The following BICD1 variants were observed in gnomAD, a reference collection of about 807,000 sequenced individuals.
BICD1 encodes the protein BICD cargo adaptor 1.
BICD1 carries 35 observed loss-of-function variants against 92.5 expected under a neutral mutation model. That is an observed-to-expected ratio of 0.38 (90% CI 0.29 to 0.50). BICD1 has a LOEUF of 0.50. BICD1 is among the 20% of genes least tolerant of loss of function. BICD1 has a pLI of 0.93. For synonymous variants in BICD1, 429 were observed against 465.1 expected (o/e 0.92, Z 1.00); for missense variants, 950 against 1,189.8 (o/e 0.80, Z 2.97).
chr12:32,296,574 T>G (rs1334037976), intron 3 of BICD1, among the ~76,000 whole-genome samples: 1 of 152,104 alleles, frequency 6.6e-6, no homozygotes, highest in African/African-American at 2.4e-5. Flanking sequence ...GGTATTTTCT[T>G]GTGGTCCTTT....
chr12:32,125,876 TAA>T (rs11320031), intron 1 of BICD1, among the ~76,000 whole-genome samples: 95 of 140,494 alleles, frequency 6.8e-4, no homozygotes, highest in Middle Eastern at 3.5e-3. Flanking sequence ...ACCCCGTCTC[TAA>T]AAAAAAAAAA....
intron 2 of BICD1, among the ~76,000 whole-genome samples, chr12:32,255,425 C>T (rs577631927): frequency 1.3e-5 from 2 of 152,302 alleles, no homozygotes; most frequent in East Asian, 3.9e-4. Context: ...AAGCCCTATC[C>T]ATGCCAAAAT....
At chr12:32,246,028 T>TAAA (rs1946373522) in intron 2 of BICD1, among the ~76,000 whole-genome samples, 1 of 6,436 alleles carries the variant, frequency 1.6e-4, no homozygotes, top group East Asian at 2.5e-3. Flanking sequence ...ATACTCTGTC[T>TAAA]CAAAAAAAAA....
intron 1 of BICD1, among the ~76,000 whole-genome samples, chr12:32,120,884 AGAGAGAGAG>A (rs1942117530): frequency 3.7e-5 from 5 of 133,852 alleles, no homozygotes; most frequent in African/African-American, 9.7e-5. Context: ...AGAGAGAGAG[AGAGAGAGAG>A]AGAAAAAAAA....
At chr12:32,353,257 A>G (rs1365863399) in intron 8 of BICD1, 1 of 152,186 alleles carries the variant, frequency 6.6e-6, no homozygotes, top group Non-Finnish European at 1.5e-5. Flanking sequence ...ATGAATAAGC[A>G]TCTTCTGTAA....
At chr12:32,223,918 T>G (rs148798031) in intron 2 of BICD1, among the ~76,000 whole-genome samples, 1 of 152,252 alleles carries the variant, frequency 6.6e-6, no homozygotes, top group African/African-American at 2.4e-5. Flanking sequence ...AACACACATG[T>G]TTATGGGTTA....
At chr12:32,235,984 C>T (rs1056752792) in intron 2 of BICD1, among the ~76,000 whole-genome samples, 2 of 151,690 alleles carry the variant, frequency 1.3e-5, no homozygotes, top group African/African-American at 4.8e-5. Flanking sequence ...AGGCGTGAGC[C>T]ACTGCGCCTG....
intron 2 of BICD1, among the ~76,000 whole-genome samples, chr12:32,281,063 C>CT (rs1311661329): frequency 8.2e-6 from 1 of 122,150 alleles, no homozygotes; most frequent in East Asian, 3.1e-4. Context: ...ATTTCCCAAA[C>CT]TTTTTTTTAG....
intron 8 of BICD1, chr12:32,339,933 C>A (rs1938298036): frequency 2.4e-6 from 2 of 829,350 alleles, no homozygotes; most frequent in Admixed American, 6.2e-5. Context: ...CATGTCAACA[C>A]CTGTTGGAGC....
chr12:32,134,571 CATG>C (rs1565538498), intron 1 of BICD1, among the ~76,000 whole-genome samples: 1 of 152,134 alleles, frequency 6.6e-6, no homozygotes, highest in East Asian at 1.9e-4. Context: ...GTTGGCTCAT[CATG>C]ATGCTTAAGC....
chr12:32,232,613 T>C (rs2121584330), intron 2 of BICD1, among the ~76,000 whole-genome samples: 1 of 152,030 alleles, frequency 6.6e-6, no homozygotes, highest in Middle Eastern at 3.4e-3. Context: ...TTTGTCAATT[T>C]TGTCTTTTGT....
At chr12:32,211,852 G>T (rs1276483815) in intron 1 of BICD1, among the ~76,000 whole-genome samples, 1 of 152,224 alleles carries the variant, frequency 6.6e-6, no homozygotes, top group African/African-American at 2.4e-5. Flanking sequence ...GAGGGAGAGA[G>T]GCTGTCAGAA....
chr12:32,346,560 A>ATATATATATACGTGTG lies in BICD1; in HGVS notation c.2764+7591_2764+7592insCGTGTGTATATATATA, dbSNP rs1565687086. 6.1e-4 allele frequency among the ~76,000 whole-genome samples: 13 copies of ATATATATATACGTGTG among 21,156 alleles called. 1 individual carries two copies. Among genetic ancestry groups the ATATATATATACGTGTG allele is most frequent in the African/African-American group, 1.6e-3 (6 of 3,832 alleles). 13.9% of individuals were successfully genotyped at this position (21,156 alleles called of 152,430 possible). A position where few individuals can be genotyped will look rare whatever the true frequency, so the allele number is the denominator to read the frequency against. On this transcript the variant is annotated intron_variant, in intron 8 of 9. Transcript: ENST00000652176. ...TGTATATATATATATATATATATAT[A>ATATATATATACGTGTG]TATATATATATATATATATATACGT...
intron 8 of BICD1, among the ~76,000 whole-genome samples, chr12:32,351,595 G>A (rs903399570): frequency 6.6e-6 from 1 of 150,954 alleles, no homozygotes; most frequent in African/African-American, 2.4e-5. Flanking sequence ...TCTAGAGCAG[G>A]ACTGTCATTT....
intron 9 of BICD1, among the ~76,000 whole-genome samples, chr12:32,376,568 A>G (rs1178531493): frequency 1.3e-5 from 2 of 151,824 alleles, no homozygotes; most frequent in Non-Finnish European, 2.9e-5. Context: ...TTATACACTT[A>G]ACAAATGGGA....
chr12:32,264,495 A>G (rs1454032634), intron 2 of BICD1, among the ~76,000 whole-genome samples: 1 of 150,786 alleles, frequency 6.6e-6, no homozygotes, highest in African/African-American at 2.4e-5. Flanking sequence ...ATTAAATAGA[A>G]TTTTTTTTTT....
At chr12:32,207,546 A>T (rs1018852585) in intron 1 of BICD1, among the ~76,000 whole-genome samples, 1 of 152,204 alleles carries the variant, frequency 6.6e-6, no homozygotes, top group Non-Finnish European at 1.5e-5. Context: ...TTTAAAATGC[A>T]TGTCTTTTGT....
At chr12:32,207,522 A>T (rs1015015497) in intron 1 of BICD1, among the ~76,000 whole-genome samples, 17 of 152,242 alleles carry the variant, frequency 1.1e-4, no homozygotes, top group African/African-American at 3.4e-4. Flanking sequence ...GATTTTTTTT[A>T]AAAAAACATC....
intron 1 of BICD1, among the ~76,000 whole-genome samples, chr12:32,184,710 GA>G (rs1944380567): frequency 6.6e-6 from 1 of 152,158 alleles, no homozygotes; most frequent in African/African-American, 2.4e-5. Context: ...TGAAACTTTG[GA>G]AAAAGGTGGA....
Sources: allele counts gnomAD v4.1 joint callset (sites outside exome capture counted in the v4.1 genomes callset), GRCh38; gene constraint gnomAD v4.1.1; transcripts MANE v1.5; gene names NCBI Gene and HGNC (gene_info 2026-07-23, HGNC 2026-07-21).